The following CDK5RAP3 variants were observed in gnomAD, a reference collection of about 807,000 sequenced individuals.
CDK5RAP3 encodes the protein CDK5 regulatory subunit associated protein 3, also known as CDK5 regulatory subunit-associated protein 3.
CDK5RAP3 carries 58 observed loss-of-function variants against 73.3 expected under a neutral mutation model. That is an observed-to-expected ratio of 0.79 (90% CI 0.64 to 0.98). CDK5RAP3 has a LOEUF of 0.98. Ranked by LOEUF, CDK5RAP3 falls within the 50% of genes least tolerant of loss-of-function variation. The pLI is 0.00. For synonymous variants in CDK5RAP3, 224 were observed against 247.5 expected, an observed-to-expected ratio of 0.91 and a Z score of 0.89; for missense variants, 525 against 615.8, an observed-to-expected ratio of 0.85 and a Z score of 1.56.
chr17:47,968,426 C>A (rs1345531712), upstream of CDK5RAP3, among the ~76,000 whole-genome samples: 1 of 143,808 alleles, frequency 7.0e-6, no homozygotes, highest in Non-Finnish European at 1.5e-5. Flanking sequence ...GTGATTCTTC[C>A]GCCGCAGCCT....
intron 10 of CDK5RAP3, 116 bp from the exon 11 acceptor site, chr17:47,978,713 G>A (rs2036481342): frequency 2.7e-6 from 2 of 741,068 alleles, no homozygotes; most frequent in South Asian, 3.3e-5. Flanking sequence ...AGAACAAGAA[G>A]TGGCTTTAGC....
At position 47,981,236 on chromosome 17, in the gene CDK5RAP3, C is replaced by CACT. The variant is rs766338984; in HGVS notation, c.1357_1358insACT (p.Glu452_Leu453insHis). On this transcript the variant is annotated inframe_insertion, in exon 13 of 14. Coordinates refer to ENST00000338399, the MANE Select transcript of CDK5RAP3 (RefSeq NM_176096.3). ...CCAGCTGCTGGCTTTGAAGAAAGAG[C>CACT]TGATGGTGCAGAAGCAGCAGGAGGC... The CACT allele has an allele frequency of 6.2e-7, 1 of 1,614,224 alleles. No individual in the cohort carries two copies. The highest frequency in any genetic ancestry group is 1.7e-5 in the Admixed American group (1 of 60,030).
At chr17:47,974,689 G>C in intron 5 of CDK5RAP3, 17 of 1,356,646 alleles carry the variant, frequency 1.3e-5, no homozygotes, top group Non-Finnish European at 1.6e-5. Context: ...CAGCGAGCAG[G>C]TGTGTGTGGG....
intron 5 of CDK5RAP3, chr17:47,974,895 A>T (rs1753934565): frequency 1.5e-6 from 2 of 1,369,078 alleles, no homozygotes; most frequent in Non-Finnish European, 1.9e-6. Flanking sequence ...TTTCCTGAGC[A>T]TCTACTAAAT....
intron 11 of CDK5RAP3, chr17:47,980,334 T>C (rs1315761041): frequency 2.1e-6 from 1 of 479,152 alleles, no homozygotes; most frequent in Non-Finnish European, 3.8e-6. Context: ...AGTGCAGCAA[T>C]CATAGCTCAC....
chr17:47,978,440 T>G, intron 10 of CDK5RAP3: 1 of 180,860 alleles, frequency 5.5e-6, no homozygotes, highest in Non-Finnish European at 1.2e-5. Context: ...GGGCCAGCTG[T>G]TATGGTAGGA....
Position 47,978,013 on chromosome 17 carries a change from A to G in CDK5RAP3, c.988+103A>G, listed in dbSNP as rs1320872476. On this transcript the variant is annotated intron_variant, in intron 10 of 13. Transcript: ENST00000338399. ...AGCGCTAAGATGAGGCTTCTTGCAC[A>G]TTTAACTGTTTCTCAAAACCTTGAT... The G allele has an allele frequency of 1.9e-5, 15 of 769,964 alleles. No homozygotes were observed. In the East Asian group the frequency reaches 2.4e-4, roughly 12 times the overall value. 47.7% of individuals were successfully genotyped at this position (769,964 alleles called of 1,614,324 possible). A position where few individuals can be genotyped will look rare whatever the true frequency, so the allele number is the denominator to read the frequency against.
At chr17:47,972,842 A>G (rs2036301735) in intron 2 of CDK5RAP3, among the ~76,000 whole-genome samples, 1 of 152,302 alleles carries the variant, frequency 6.6e-6, no homozygotes, top group African/African-American at 2.4e-5. Flanking sequence ...ACTGAGGCAC[A>G]GAATAGTAGA....
At position 47,975,378 on chromosome 17, in the gene CDK5RAP3, GC is replaced by G. The variant is rs750359983; in HGVS notation, c.513+45del. The G allele has an allele frequency of 6.8e-6, 11 of 1,606,394 alleles. 1 individual carries two copies. In the Admixed American group the frequency reaches 1.8e-4, roughly 27 times the overall value. On this transcript the variant is annotated intron_variant, in intron 6 of 13. Transcript: ENST00000338399. ...CTCTTCGCAGCCAGAGGACACCTGG[GC>G]CCCTGCTTGTCTTCCTCTGACCCCG...
upstream of CDK5RAP3, among the ~76,000 whole-genome samples, chr17:47,968,291 T>C (rs949691800): frequency 2.0e-5 from 3 of 152,104 alleles, no homozygotes; most frequent in African/African-American, 7.2e-5. Flanking sequence ...TTCAATCCGT[T>C]CTATAATAAT....
chr17:47,974,651 A>G, intron 5 of CDK5RAP3: 1 of 1,397,704 alleles, frequency 7.2e-7, no homozygotes, highest in Non-Finnish European at 9.3e-7. Context: ...GAGGAGGTCC[A>G]GGCCGGTAGT....
chr17:47,978,263 G>T (rs1255539562), intron 10 of CDK5RAP3, among the ~76,000 whole-genome samples: 1 of 151,792 alleles, frequency 6.6e-6, no homozygotes, highest in Non-Finnish European at 1.5e-5. Flanking sequence ...TAGAGTTGGG[G>T]TTTCTCCATG....
chr17:47,976,685 G>T, intron 8 of CDK5RAP3, 27 bp from the exon 9 acceptor site: 1 of 1,496,298 alleles, frequency 6.7e-7, no homozygotes, highest in Non-Finnish European at 9.3e-7. Context: ...CATCTTCCAT[G>T]AGCTAACACT....
intron 2 of CDK5RAP3, among the ~76,000 whole-genome samples, chr17:47,972,952 A>G (rs1210083830): frequency 6.6e-6 from 1 of 152,188 alleles, no homozygotes; most frequent in Non-Finnish European, 1.5e-5. Flanking sequence ...TGAAGCCACA[A>G]ATCTGGGCCC....
At chr17:47,975,739 A>G (rs2036393185) in intron 7 of CDK5RAP3, 86 bp downstream of exon 7, 2 of 1,568,280 alleles carry the variant, frequency 1.3e-6, no homozygotes, top group South Asian at 2.4e-5. Context: ...TTGTTCCCAT[A>G]TAACATTTGA....
rs1397439510 is a variant in CDK5RAP3, at chr17:47,981,163, G to A, written c.1284G>A (p.Arg428=). 27 of 1,613,844 alleles carry A rather than the reference G, an allele frequency of 1.7e-5. No individual in the cohort carries two copies. The highest frequency in any genetic ancestry group is 2.2e-5 in the East Asian group (1 of 44,864). Residue 428 remains arginine, a splice_region_variant and synonymous_variant, in exon 13 of 14, where the codon AGG becomes AGA. Coordinates refer to ENST00000338399, the MANE Select transcript of CDK5RAP3 (RefSeq NM_176096.3). ...GCACTCACCTGAGTGCCCCGCACAG[G>A]TATGTGGACCGAGTGACTGAATTCC... ...QHLFMILASP[R]YVDRVTEFLQ...
In CDK5RAP3 at chr17:47,977,884, T is replaced by A; in HGVS notation, c.962T>A (p.Ile321Asn). The change falls in exon 10 of 14, where the codon ATC (isoleucine) becomes AAC (asparagine). Residue 321 changes from isoleucine to asparagine, a missense_variant. Ile to Asn is a moderately radical substitution (Grantham distance 149). This residue lies in a region of CDK5RAP3 where 409 missense variants were observed against 429.8 expected (regional missense o/e 0.95). Transcript: ENST00000338399. ...GGAGACGATGCTGTTGCTTTGCAGA[T>A]CACAGTGCTGGAAGCAGGAACCCAG... ...DWGDDAVALQITVLEAGTQAP... is the reference protein window; with the variant it reads ...DWGDDAVALQNTVLEAGTQAP... 5 of 1,614,072 alleles carry A rather than the reference T, an allele frequency of 3.1e-6. No homozygotes were observed. Among genetic ancestry groups the A allele is most frequent in the Non-Finnish European group, 3.4e-6 (4 of 1,179,986 alleles).
At chr17:47,976,084 C>T (rs1331346303) in intron 8 of CDK5RAP3, 71 bp downstream of exon 8, 50 of 1,546,996 alleles carry the variant, frequency 3.2e-5, no homozygotes, top group Non-Finnish European at 4.2e-5. Context: ...CCCCCAACAG[C>T]CCAACCCAAG....
intron 2 of CDK5RAP3, among the ~76,000 whole-genome samples, chr17:47,972,932 T>TG (rs1429179362): frequency 6.6e-6 from 1 of 152,188 alleles, no homozygotes; most frequent in East Asian, 1.9e-4. Flanking sequence ...TGAGGAAATA[T>TG]GCATGGCTCT....
Sources: gnomAD v4.1 joint callset for allele counts (sites outside exome capture counted in the v4.1 genomes callset) on GRCh38, gnomAD v4.1.1 for gene constraint, gnomAD v4.1.1 regional missense constraint, MANE v1.5 for transcripts, NCBI Gene and HGNC (gene_info 2026-07-23, HGNC 2026-07-21) for gene names.